PDGFC: variants seen among roughly 807,000 people sequenced by gnomAD.
PDGFC encodes platelet derived growth factor C.
Under a neutral mutation model 35.5 loss-of-function variants are expected in PDGFC, and 12 were observed. That is an observed-to-expected ratio of 0.34 (90% CI 0.22 to 0.55). The LOEUF is 0.55. Among genes scored for constraint, PDGFC ranks in the 20% least tolerant of loss-of-function variants. PDGFC has a pLI of 0.91. For missense variants in PDGFC, 322 were observed against 412.4 expected, an observed-to-expected ratio of 0.78 and a Z score of 1.90; for synonymous variants, 159 against 148.8, an observed-to-expected ratio of 1.07 and a Z score of -0.50.
chr4:156,843,232 G>A (rs945769536), intron 2 of PDGFC, among the ~76,000 whole-genome samples: 6 of 152,182 alleles, frequency 3.9e-5, no homozygotes, highest in Admixed American at 1.3e-4. Context: ...AAGACACAGA[G>A]AGAAGACAGT....
intron 2 of PDGFC, among the ~76,000 whole-genome samples, chr4:156,832,404 C>G (rs1728965282): frequency 6.6e-6 from 1 of 151,884 alleles, no homozygotes; most frequent in Admixed American, 6.6e-5. Flanking sequence ...TTACAGGCAC[C>G]CGCCACCATG....
intron 1 of PDGFC, among the ~76,000 whole-genome samples, chr4:156,865,724 G>A (rs965057782): frequency 6.6e-6 from 1 of 152,190 alleles, no homozygotes; most frequent in Non-Finnish European, 1.5e-5. Context: ...CCAAACCACA[G>A]GCATAGATTG....
At position 156,971,484 on chromosome 4, in the gene PDGFC, C is replaced by T. The variant is rs1316904350; in HGVS notation, c.-581G>A. ...CCGCGGCGGGTCCCACGGGCCGGGG[C>T]GCCGGAGCGGGGCCGGGGGGCTCCG... is the stretch of plus-strand genomic sequence containing the variant. On this transcript the variant is annotated 5_prime_UTR_variant, in exon 1 of 6. Coordinates refer to ENST00000502773, the MANE Select transcript of PDGFC (RefSeq NM_016205.3). 1.5e-5 allele frequency: 3 copies of T among 205,450 alleles called. No homozygotes were observed. Among genetic ancestry groups the T allele is most frequent in the Middle Eastern group, 1.6e-3 (1 of 614 alleles). The allele number at this position is 205,450 out of a possible 1,614,324, so 12.7% of individuals were successfully genotyped here.
intron 1 of PDGFC, among the ~76,000 whole-genome samples, chr4:156,937,300 A>C (rs1232906824): frequency 6.6e-6 from 1 of 152,206 alleles, no homozygotes; most frequent in African/African-American, 2.4e-5. Context: ...AAAGCTGGAA[A>C]AAATCTTGTT....
intron 5 of PDGFC, 80 bp from the exon 6 acceptor site, chr4:156,763,286 G>T: frequency 2.5e-5 from 14 of 570,168 alleles, no homozygotes; most frequent in East Asian, 3.4e-5. Flanking sequence ...TAACGTTTTA[G>T]AAAAGAATCT....
At chr4:156,831,439 C>CTTTTTTTTT in intron 2 of PDGFC, among the ~76,000 whole-genome samples, 1 of 99,318 alleles carries the variant, frequency 1.0e-5, no homozygotes, top group East Asian at 3.0e-4. Flanking sequence ...GAGACCCTGT[C>CTTTTTTTTT]TTTTTTTTTT....
chr4:156,793,146 T>C (rs771041724), intron 3 of PDGFC, among the ~76,000 whole-genome samples: 1 of 152,110 alleles, frequency 6.6e-6, no homozygotes, highest in Non-Finnish European at 1.5e-5. Flanking sequence ...TCTGAAAAGC[T>C]ATCATCAAGC....
intron 1 of PDGFC, among the ~76,000 whole-genome samples, chr4:156,875,073 C>T (rs1730080216): frequency 6.6e-6 from 1 of 151,996 alleles, no homozygotes; most frequent in African/African-American, 2.4e-5. Flanking sequence ...TCACAACCTC[C>T]TATGTGTATG....
In PDGFC at chr4:156,857,035, T is replaced by A. The variant is rs1729600031; in HGVS notation, c.119-6619A>T. On this transcript the variant is annotated intron_variant, in intron 1 of 5. Transcript: ENST00000502773. ...AAACTGTAAAATATGATCTATTTGA[T>A]AATAAAATCTGTTATTTTAGGCAAG... 8.6e-5 allele frequency among the ~76,000 whole-genome samples: 13 copies of A among 151,520 alleles called. No individual in the cohort carries two copies. The South Asian group carries it at 2.7e-3, about 32-fold the overall frequency.
At chr4:156,937,067 G>T (rs982153819) in intron 1 of PDGFC, among the ~76,000 whole-genome samples, 2 of 152,142 alleles carry the variant, frequency 1.3e-5, no homozygotes, top group Non-Finnish European at 2.9e-5. Flanking sequence ...AGCACTGCAC[G>T]CATATGGACA....
At chr4:156,950,686 T>C (rs1238690178) in intron 1 of PDGFC, among the ~76,000 whole-genome samples, 4 of 151,810 alleles carry the variant, frequency 2.6e-5, no homozygotes, top group Non-Finnish European at 5.9e-5. Flanking sequence ...CTCTCCACTA[T>C]AGTTCAATAA....
intron 1 of PDGFC, among the ~76,000 whole-genome samples, chr4:156,894,525 A>T (rs1730585452): frequency 6.6e-6 from 1 of 152,200 alleles, no homozygotes; most frequent in Non-Finnish European, 1.5e-5. Context: ...ATACAATTTT[A>T]AAAATTCAGC....
intron 2 of PDGFC, among the ~76,000 whole-genome samples, chr4:156,821,097 G>A (rs1732240013): frequency 6.6e-6 from 1 of 152,104 alleles, no homozygotes; most frequent in Admixed American, 6.6e-5. Flanking sequence ...CAATAATTCA[G>A]GAGTGGGACA....
intron 2 of PDGFC, among the ~76,000 whole-genome samples, chr4:156,813,323 TCTGCTAGATTCTCA>T (rs977062972): frequency 1.3e-5 from 2 of 152,116 alleles, no homozygotes; most frequent in African/African-American, 2.4e-5. Flanking sequence ...CGCAAACTGC[TCTGCTAGATTCTCA>T]GGATACAAAC....
chr4:156,766,460 T>G lies in PDGFC; in HGVS notation c.921+1313A>C, dbSNP rs1730532714. ...GTATCTTTTAGTTTTCTTCAATTAT[T>G]ATATCCCATCTCCTCCTCCAGCAGC... On this transcript the variant is annotated intron_variant, in intron 5 of 5. Transcript: ENST00000502773. 5.3e-5 allele frequency among the ~76,000 whole-genome samples: 8 copies of G among 152,270 alleles called. 1 individual carries two copies. In the South Asian group the frequency reaches 1.7e-3, roughly 32 times the overall value.
intron 3 of PDGFC, among the ~76,000 whole-genome samples, chr4:156,810,327 T>C (rs1368867426): frequency 6.6e-6 from 1 of 151,916 alleles, no homozygotes; most frequent in African/African-American, 2.4e-5. Context: ...ATATCTTAAA[T>C]AAGCTACATA....
At chr4:156,799,874 A>G (rs1731552228) in intron 3 of PDGFC, among the ~76,000 whole-genome samples, 1 of 152,186 alleles carries the variant, frequency 6.6e-6, no homozygotes, top group Non-Finnish European at 1.5e-5. Flanking sequence ...CTCAATATTT[A>G]TCACCATTGT....
At chr4:156,870,807 T>C (rs1729964234) in intron 1 of PDGFC, among the ~76,000 whole-genome samples, 1 of 152,122 alleles carries the variant, frequency 6.6e-6, no homozygotes, top group Admixed American at 6.5e-5. Flanking sequence ...TTTTCCAAAG[T>C]TGAAATCAGT....
intron 1 of PDGFC, among the ~76,000 whole-genome samples, chr4:156,967,897 G>A (rs964450882): frequency 1.3e-5 from 2 of 152,146 alleles, no homozygotes; most frequent in African/African-American, 4.8e-5. Flanking sequence ...GTGAGACAGG[G>A]TCAGAAGTAA....
Sources: gnomAD v4.1 joint callset for allele counts (sites outside exome capture counted in the v4.1 genomes callset) on GRCh38, gnomAD v4.1.1 for gene constraint, MANE v1.5 for transcripts, NCBI Gene and HGNC (gene_info 2026-07-23, HGNC 2026-07-21) for gene names.